Variants in C15orf39 observed in about 807,000 individuals in gnomAD.
C15orf39 encodes the protein PRMT2 interacting protein, also known as uncharacterized protein C15orf39.
In C15orf39, 24 loss-of-function variants were observed where a neutral mutation model predicts 53.9. The ratio of observed to expected loss-of-function variants is 0.45; its 90% CI spans 0.32 to 0.63. The LOEUF is 0.63. Among genes scored for constraint, C15orf39 ranks in the 20% least tolerant of loss-of-function variants. C15orf39 has a pLI of 0.04. For missense variants in C15orf39, 1,271 were observed against 1,347.9 expected, an observed-to-expected ratio of 0.94 and a Z score of 0.89; for synonymous variants, 569 against 576.5, an observed-to-expected ratio of 0.99 and a Z score of 0.19.
In C15orf39 at chr15:75,207,652, A is replaced by G; in HGVS notation, c.1604A>G (p.Asp535Gly). Residue 535 changes from aspartate (D) to glycine (G), a missense_variant, in exon 2 of 3, where the codon GAC (aspartate) becomes GGC (glycine). Coordinates refer to ENST00000394987, the MANE Select transcript of C15orf39 (RefSeq NM_015492.5). ...CCTGACTCTGCCACAGCTGAGCCTG[A>G]CTCAGCCCCAGCCACCAGTGAAGGT... ...TEPDSATAEP[D>G]SAPATSEGQD... 1 of 1,612,052 alleles carries G rather than the reference A, an allele frequency of 6.2e-7. No individual in the cohort carries two copies. The highest frequency in any genetic ancestry group is 8.5e-7 in the Non-Finnish European group (1 of 1,179,214).
Position 75,208,088 on chromosome 15 carries a change from T to G in C15orf39, c.2040T>G (p.Pro680=), listed in dbSNP as rs1249060879. The G allele has an allele frequency of 3.7e-6, 6 of 1,613,940 alleles. No individual in the cohort carries two copies. In the East Asian group the frequency reaches 1.3e-4, roughly 36 times the overall value. Residue 680 remains proline, a synonymous_variant, in exon 2 of 3, where the codon CCT becomes CCG. Transcript: ENST00000394987. ...CCTCAGCTCCTGCTCCCACACAGCC[T>G]GCACCCACCCCCACATCTGGGCCCA... ...TPTSAPAPTQ[P]APTPTSGPIG... is the part of the protein sequence containing the mutation.
Position 75,207,084 on chromosome 15 carries a change from C to G in C15orf39, c.1036C>G (p.Pro346Ala), listed in dbSNP as rs747826891. The stretch of plus-strand genomic sequence containing the variant: ...ACTGGGGCTGGACGCTTACCCCTAC[C>G]CCTCTGCCCCTCTCCCAGCACCCTC... ...PPLGLDAYPY[P>A]SAPLPAPSPG... Residue 346 changes from proline (P) to alanine (A), a missense_variant, in exon 2 of 3, where the codon CCC becomes GCC. By Grantham distance (27) the Pro-to-Ala change is conservative. Around this residue, in one of 2 missense-constraint regions of C15orf39, gnomAD observed 994 missense variants for 993.7 expected, o/e 1.00. Transcript: ENST00000394987. 1.2e-5 allele frequency: 20 copies of G among 1,612,346 alleles called. No individual in the cohort carries two copies. Among genetic ancestry groups the G allele is most frequent in the Non-Finnish European group, 1.6e-5 (19 of 1,179,550 alleles).
Position 75,207,253 on chromosome 15 carries a change from A to T in C15orf39, c.1205A>T (p.Asn402Ile). 1 of 1,613,516 alleles carries T rather than the reference A, an allele frequency of 6.2e-7. No homozygotes were observed. The highest frequency in any genetic ancestry group is 8.5e-7 in the Non-Finnish European group (1 of 1,179,942). Reference sequence around the variant, plus strand: ...CTTGGAGGGACACCACCTTCCCAGAACAATGTGCGGGCTGTGCCACAGCCT... The same window carrying T: ...CTTGGAGGGACACCACCTTCCCAGATCAATGTGCGGGCTGTGCCACAGCCT... ...PGLGGTPPSQ[N>I]NVRAVPQPGA... The change falls in exon 2 of 3, where the codon AAC becomes ATC. Residue 402 changes from asparagine (N) to isoleucine (I), a missense_variant. Transcript: ENST00000394987.
chr15:75,202,683 G>T (rs908609435), intron 1 of C15orf39, among the ~76,000 whole-genome samples: 1 of 149,652 alleles, frequency 6.7e-6, no homozygotes, highest in African/African-American at 2.6e-5. Context: ...GGGTGCGCGG[G>T]CCTGCCTGCG....
chr15:75,207,347 A>C lies in C15orf39; in HGVS notation c.1299A>C (p.Ala433=). ...CCTGCTCAGAGCCTGTGAGGCCTGC[A>C]CAGGAAGCCGAAGAGAAGACCTGGC... The part of the protein sequence containing the change: ...SQPCSEPVRP[A]QEAEEKTWLP... The change falls in exon 2 of 3, where the codon GCA becomes GCC. Residue 433 remains alanine, a synonymous_variant. Transcript: ENST00000394987. The C allele has an allele frequency of 6.2e-7, 1 of 1,613,362 alleles. No individual in the cohort carries two copies. The highest frequency in any genetic ancestry group is 8.5e-7 in the Non-Finnish European group (1 of 1,180,016).
chr15:75,201,042 C>G (rs947235115), upstream of C15orf39, among the ~76,000 whole-genome samples: 6 of 152,124 alleles, frequency 3.9e-5, no homozygotes, highest in Non-Finnish European at 7.4e-5. The surrounding 1 kb of genome is among the most constrained non-coding windows in gnomAD (Gnocchi z 4.7). Flanking sequence ...CCTGCCCTCC[C>G]CTTCCCCACT....
upstream of C15orf39, among the ~76,000 whole-genome samples, chr15:75,201,642 C>T (rs2070401473): frequency 6.6e-6 from 1 of 152,220 alleles, no homozygotes; most frequent in Admixed American, 6.5e-5. The surrounding 1 kb of genome is among the most constrained non-coding windows in gnomAD (Gnocchi z 4.7). Flanking sequence ...AGTGAATGAA[C>T]GATCTAAGGG....
At position 75,212,032 on chromosome 15, in the gene C15orf39, A is replaced by C. The variant is rs1180719915; in HGVS notation, c.*916A>C. On this transcript the variant is annotated 3_prime_UTR_variant, in exon 3 of 3. Coordinates refer to ENST00000394987, the MANE Select transcript of C15orf39 (RefSeq NM_015492.5). ...CTCCCCAAGCCAGAGCCCATCAGCC[A>C]GGCCTGCTGTGAGCCACCTGCCTGT... 1 of 152,250 alleles carries C rather than the reference A, an allele frequency of 6.6e-6. No individual in the cohort carries two copies. Among genetic ancestry groups the C allele is most frequent in the South Asian group, 2.1e-4 (1 of 4,840 alleles). The allele number at this position is 152,250 out of a possible 1,614,324, so 9.4% of individuals were successfully genotyped here.
chr15:75,200,423 G>A (rs1439056795), upstream of C15orf39, among the ~76,000 whole-genome samples: 3 of 152,118 alleles, frequency 2.0e-5, no homozygotes, highest in Admixed American at 6.6e-5. Context: ...CAACCTGAGC[G>A]TCCTAGACCC....
Position 75,207,086 on chromosome 15 carries a change from C to T in C15orf39, c.1038C>T (p.Pro346=), listed in dbSNP as rs890016563. The change falls in exon 2 of 3, where the codon CCC becomes CCT. Residue 346 remains proline, a synonymous_variant. Transcript: ENST00000394987. ...TGGGGCTGGACGCTTACCCCTACCC[C>T]TCTGCCCCTCTCCCAGCACCCTCTC... is the stretch of plus-strand genomic sequence containing the variant. ...PPLGLDAYPY[P]SAPLPAPSPG... 1 of 1,612,828 alleles carries T rather than the reference C, an allele frequency of 6.2e-7. No homozygotes were observed. Among genetic ancestry groups the T allele is most frequent in the Non-Finnish European group, 8.5e-7 (1 of 1,179,668 alleles).
rs1331471052 is a variant in C15orf39, at chr15:75,211,987, C to G, written c.*871C>G. The G allele has an allele frequency of 6.6e-6, 1 of 152,226 alleles. No homozygotes were observed. The highest frequency in any genetic ancestry group is 2.4e-5 in the African/African-American group (1 of 41,448). The allele number at this position is 152,226 out of a possible 1,614,324, so 9.4% of individuals were successfully genotyped here. ...TCAGTCCTAGAAGGTCTCTGAAGAT[C>G]TGGACTGAGGACCCTGCTGCTCCCC... On this transcript the variant is annotated 3_prime_UTR_variant, in exon 3 of 3. Coordinates refer to ENST00000394987, the MANE Select transcript of C15orf39 (RefSeq NM_015492.5).
rs893259961 is a variant in C15orf39 at position 75,207,044 on chromosome 15, A to T, written c.996A>T (p.Ala332=). 12 of 1,608,756 alleles carry T rather than the reference A, an allele frequency of 7.5e-6. No homozygotes were observed. Among genetic ancestry groups the T allele is most frequent in the Non-Finnish European group, 1.0e-5 (12 of 1,177,662 alleles). The change falls in exon 2 of 3, where the codon GCA becomes GCT. Residue 332 remains alanine, a synonymous_variant. Transcript: ENST00000394987. ...SPYLRQQAAQ[A]PYIPPLGLDA... ...ACCTGAGGCAGCAGGCAGCCCAGGCACCTTACATTCCCCCACTGGGGCTGG... is the reference window on the plus strand; with the variant it reads ...ACCTGAGGCAGCAGGCAGCCCAGGCTCCTTACATTCCCCCACTGGGGCTGG...
Position 75,206,490 on chromosome 15 carries a change from G to C in C15orf39, c.442G>C (p.Glu148Gln). Residue 148 changes from glutamate to glutamine, a missense_variant, in exon 2 of 3, where the codon GAA becomes CAA. Transcript: ENST00000394987. Reference protein sequence around the residue: ...LCYGLSTCLGEGAVKRPLDVD... With the variant: ...LCYGLSTCLGQGAVKRPLDVD... ...CTATGGGCTCTCAACTTGTCTGGGG[G>C]AAGGAGCAGTGAAGAGGCCACTGGA... 6.2e-7 allele frequency: 1 copy of C among 1,614,068 alleles called. No individual in the cohort carries two copies. The highest frequency in any genetic ancestry group is 8.5e-7 in the Non-Finnish European group (1 of 1,179,986).
intron 1 of C15orf39, 135 bp downstream of exon 1, chr15:75,202,194 C>G (rs1204675652): frequency 6.6e-6 from 1 of 152,070 alleles, no homozygotes; most frequent in Non-Finnish European, 1.5e-5. Context: ...GCGCCTGGGC[C>G]GAGGGGCTGC....
chr15:75,206,739 A>G lies in C15orf39; in HGVS notation c.691A>G (p.Thr231Ala). The change falls in exon 2 of 3, where the codon ACA (threonine) becomes GCA (alanine). Residue 231 changes from threonine (T) to alanine (A), a missense_variant. By Grantham distance (58) the Thr-to-Ala change is moderately conservative. This residue lies in a region of C15orf39 where 994 missense variants were observed against 993.7 expected (regional missense o/e 1.00). Coordinates refer to ENST00000394987, the MANE Select transcript of C15orf39 (RefSeq NM_015492.5). ...CACGGGCTTCCTGGCCTCCAGGTAC[A>G]CAGGTCCTTACCCTAGGAACTCCAA... ...HSTGFLASRY[T>A]GPYPRNSKQA... 1 of 1,613,598 alleles carries G rather than the reference A, an allele frequency of 6.2e-7. No individual in the cohort carries two copies. Among genetic ancestry groups the G allele is most frequent in the East Asian group, 2.2e-5 (1 of 44,878 alleles).
rs1456801043 is a variant in C15orf39, at chr15:75,207,938, G to A, written c.1890G>A (p.Gly630=). 6.2e-7 allele frequency: 1 copy of A among 1,613,818 alleles called. No homozygotes were observed. The highest frequency in any genetic ancestry group is 1.7e-5 in the Admixed American group (1 of 60,034). The change falls in exon 2 of 3, where the codon GGG becomes GGA. Residue 630 remains glycine, a synonymous_variant. Transcript: ENST00000394987. The part of the protein sequence containing the change: ...KIDTEAPGLP[G]VPVTTDAMPR... ...ACACAGAAGCACCAGGCTTGCCTGG[G>A]GTGCCAGTGACCACAGATGCCATGC...
chr15:75,211,602 A>G lies in C15orf39; in HGVS notation c.*486A>G, dbSNP rs73437086. On this transcript the variant is annotated 3_prime_UTR_variant, in exon 3 of 3. Coordinates refer to ENST00000394987, the MANE Select transcript of C15orf39 (RefSeq NM_015492.5). Reference sequence around the variant, plus strand: ...CCTATAGAAAGTCTTCGTGTGTCCTAGGACTTGGCTATCGTAGAGTGGTAC... The same window carrying G: ...CCTATAGAAAGTCTTCGTGTGTCCTGGGACTTGGCTATCGTAGAGTGGTAC... 1,853 of 154,730 alleles carry G rather than the reference A, an allele frequency of 0.012. 30 individuals carry two copies. Among genetic ancestry groups the G allele is most frequent in the African/African-American group, 0.038 (1,565 of 41,620 alleles). 9.6% of individuals were successfully genotyped at this position (154,730 alleles called of 1,614,324 possible).
rs145497381 is a variant in C15orf39 at position 75,207,401 on chromosome 15, G to A, written c.1353G>A (p.Gln451=). The A allele has an allele frequency of 7.1e-5, 114 of 1,613,244 alleles. No homozygotes were observed. The highest frequency in any genetic ancestry group is 9.3e-5 in the Non-Finnish European group (110 of 1,180,032). Residue 451 remains glutamine, a synonymous_variant, in exon 2 of 3, where the codon CAG becomes CAA. Coordinates refer to ENST00000394987, the MANE Select transcript of C15orf39 (RefSeq NM_015492.5). ...CCAGCTGCAGGAAAGAGAAGCTCCAGCCCCGGCTCAGTGAGCACTCTGGGC... is the reference window on the plus strand; with the variant it reads ...CCAGCTGCAGGAAAGAGAAGCTCCAACCCCGGCTCAGTGAGCACTCTGGGC... ...WLPSCRKEKL[Q]PRLSEHSGPP...
In C15orf39 at chr15:75,208,247, G is replaced by T. The variant is rs2070456028; in HGVS notation, c.2199G>T (p.Gln733His). 6.2e-7 allele frequency: 1 copy of T among 1,606,286 alleles called. No individual in the cohort carries two copies. Among genetic ancestry groups the T allele is most frequent in the African/African-American group, 1.3e-5 (1 of 74,848 alleles). ...CATCCCCTGCTCCGGCTCGAGCTCA[G>T]GCTCCAGCTTCAGCCCGGGATCCAG... ...PAPSPAPARA[Q>H]APASARDPAP... Residue 733 changes from glutamine (Q) to histidine (H), a missense_variant, in exon 2 of 3, where the codon CAG (glutamine) becomes CAT (histidine). Physicochemically the swap from Gln to His is conservative, Grantham distance 24. Coordinates refer to ENST00000394987, the MANE Select transcript of C15orf39 (RefSeq NM_015492.5).
Sources: gnomAD v4.1 joint callset for allele counts (sites outside exome capture counted in the v4.1 genomes callset) on GRCh38, gnomAD v4.1.1 for gene constraint, gnomAD v4.1.1 regional missense constraint, Gnocchi (gnomAD v3.1) non-coding constraint, MANE v1.5 for transcripts, NCBI Gene and HGNC (gene_info 2026-07-23, HGNC 2026-07-21) for gene names.